ANKRD26: variants seen among roughly 807,000 people sequenced by gnomAD.
ANKRD26 encodes ankyrin repeat domain-containing protein 26.
ANKRD26 carries 141 observed loss-of-function variants against 208.7 expected under a neutral mutation model. That is an observed-to-expected ratio of 0.68 (90% CI 0.59 to 0.78). The LOEUF (loss-of-function observed/expected upper bound fraction) is 0.78, where lower values mean the gene tolerates loss of function less well. ANKRD26 is among the 30% of genes least tolerant of loss of function. ANKRD26 has a pLI of 0.00. For synonymous variants in ANKRD26, 636 were observed against 660.4 expected (o/e 0.96, Z 0.57); for missense variants, 1,889 against 1,938.7 (o/e 0.97, Z 0.48).
downstream of ANKRD26, among the ~76,000 whole-genome samples, chr10:26,999,284 T>C (rs2052666670): frequency 6.6e-6 from 1 of 152,218 alleles, no homozygotes; most frequent in South Asian, 2.1e-4. Context: ...CAATTCGCCA[T>C]AAGCATTTTG....
the ANKRD26 span, among the ~76,000 whole-genome samples, chr10:26,955,200 G>C: frequency 1.3e-5 from 2 of 151,874 alleles, no homozygotes; most frequent in Admixed American, 1.3e-4. Flanking sequence ...AGGCCGAGGT[G>C]AGCAGATCAC....
chr10:27,050,005 G>A (rs1189749589), intron 16 of ANKRD26, among the ~76,000 whole-genome samples: 1 of 151,878 alleles, frequency 6.6e-6, no homozygotes, highest in Non-Finnish European at 1.5e-5. Context: ...CGTGGATCAT[G>A]AGGTCAGGAG....
At position 27,069,248 on chromosome 10, in the gene ANKRD26, G is replaced by A. The variant is rs1307352133; in HGVS notation, c.1078-1962C>T. 2.1e-5 allele frequency among the ~76,000 whole-genome samples: 3 copies of A among 142,548 alleles called. No homozygotes were observed. The East Asian group carries it at 6.2e-4, about 30-fold the overall frequency. The allele number at this position is 142,548 out of a possible 152,430, so 93.5% of individuals were successfully genotyped here. ...GGATATGAGAAATGATAAGCAGGTA[G>A]AAAATAAAGAACTTGGTGAGTGACT... is the stretch of plus-strand genomic sequence containing the variant. On this transcript the variant is annotated intron_variant, in intron 9 of 33. Transcript: ENST00000376087.
intron 25 of ANKRD26, chr10:27,030,695 T>A: frequency 8.3e-6 from 5 of 601,492 alleles, no homozygotes; most frequent in Non-Finnish European, 1.0e-5. Flanking sequence ...TTAAGTGGTT[T>A]CTACTTATAT....
the ANKRD26 span, among the ~76,000 whole-genome samples, chr10:26,957,612 G>C: frequency 2.0e-5 from 3 of 152,120 alleles, no homozygotes; most frequent in South Asian, 6.2e-4. Flanking sequence ...ATTAAAAAAA[G>C]AAACGGAACA....
chr10:27,007,473 G>A (rs1423211006), intron 32 of ANKRD26, among the ~76,000 whole-genome samples: 1 of 152,140 alleles, frequency 6.6e-6, no homozygotes, highest in Non-Finnish European at 1.5e-5. Flanking sequence ...GGGCAACATA[G>A]TGAAATCCCG....
At chr10:26,953,127 T>A in the ANKRD26 span, among the ~76,000 whole-genome samples, 575 of 152,232 alleles carry the variant, frequency 3.8e-3, 3 homozygotes, top group African/African-American at 0.012. Flanking sequence ...CCAAAGAGAT[T>A]GTAAATATAA....
At chr10:27,011,631 C>T (rs143770300) in intron 32 of ANKRD26, among the ~76,000 whole-genome samples, 72 of 152,224 alleles carry the variant, frequency 4.7e-4, no homozygotes, top group Middle Eastern at 3.4e-3. Context: ...GGTTCCTCTT[C>T]AATGGGTTTT....
At chr10:27,023,310 C>G (rs529718736) in intron 28 of ANKRD26, among the ~76,000 whole-genome samples, 42 of 151,670 alleles carry the variant, frequency 2.8e-4, no homozygotes, top group African/African-American at 9.9e-4. Context: ...CCACCACACT[C>G]CAGCTTGGGC....
chr10:26,962,103 T>C, the ANKRD26 span, among the ~76,000 whole-genome samples: 2 of 152,066 alleles, frequency 1.3e-5, no homozygotes, highest in Admixed American at 1.3e-4. Flanking sequence ...ACAGAGGGGA[T>C]GGCCCAGTCA....
At position 27,005,687 on chromosome 10, in the gene ANKRD26, G is replaced by C; in HGVS notation, c.5036C>G (p.Pro1679Arg). 1 of 1,611,826 alleles carries C rather than the reference G, an allele frequency of 6.2e-7. No homozygotes were observed. Among genetic ancestry groups the C allele is most frequent in the South Asian group, 1.1e-5 (1 of 90,614 alleles). The change falls in exon 34 of 34, where the codon CCT becomes CGT. Residue 1679 changes from proline (P) to arginine (R), a missense_variant. Physicochemically the swap from Pro to Arg is moderately radical, Grantham distance 103. Around this residue, in one of 3 missense-constraint regions of ANKRD26, gnomAD observed 613 missense variants for 648.2 expected, o/e 0.95. Coordinates refer to ENST00000376087, the MANE Select transcript of ANKRD26 (RefSeq NM_014915.3). ...ATTTGACTCATCAGTAGACCCTAGA[G>C]GGGAAGCTATTGATCCAGATTCCAA... ...AELESGSIAS[P>R]LGSTDESNLN...
chr10:27,100,116 T>C lies in ANKRD26; in HGVS notation c.211A>G (p.Asn71Asp). The C allele has an allele frequency of 6.2e-7, 1 of 1,614,108 alleles. No individual in the cohort carries two copies. Among genetic ancestry groups the C allele is most frequent in the Non-Finnish European group, 8.5e-7 (1 of 1,179,962 alleles). The change falls in exon 1 of 34, where the codon AAT becomes GAT. Residue 71 changes from asparagine to aspartate, a missense_variant. Asn to Asp is a conservative substitution (Grantham distance 23, BLOSUM62 1). Transcript: ENST00000376087. ...KVQQILLLRK[N>D]GLNDRDKMNR... ...ATCTTGTCTCTATCGTTCAAGCCAT[T>C]CTTCCTGAGCAAAAGGATCTGCTGC...
At chr10:27,068,992 G>T (rs111906078) in intron 9 of ANKRD26, among the ~76,000 whole-genome samples, 1,752 of 152,002 alleles carry the variant, frequency 0.012, 38 homozygotes, top group African/African-American at 0.04. Context: ...TCAGGAGTTC[G>T]AGACCAGCCT....
the ANKRD26 span, among the ~76,000 whole-genome samples, chr10:26,964,547 A>C: frequency 6.6e-6 from 1 of 152,212 alleles, no homozygotes; most frequent in Non-Finnish European, 1.5e-5. Flanking sequence ...TAGCAAACCC[A>C]GTGAGAAGAA....
At chr10:27,000,269 A>G (rs990072427), downstream of ANKRD26, among the ~76,000 whole-genome samples, 1 of 152,212 alleles carries the variant, frequency 6.6e-6, no homozygotes, top group Non-Finnish European at 1.5e-5. Flanking sequence ...TTATGCAGCA[A>G]TAGGAAACCT....
At chr10:27,036,522 C>T (rs978798748) in intron 23 of ANKRD26, among the ~76,000 whole-genome samples, 1 of 151,996 alleles carries the variant, frequency 6.6e-6, no homozygotes, top group African/African-American at 2.4e-5. Flanking sequence ...TGGAAAATCA[C>T]GAGATTATTT....
intron 29 of ANKRD26, among the ~76,000 whole-genome samples, chr10:27,020,545 CGAGT>C (rs1285584539): frequency 6.6e-6 from 1 of 152,128 alleles, no homozygotes; most frequent in Admixed American, 6.5e-5. Context: ...CACTTGCATA[CGAGT>C]GAGAACCTTA....
intron 29 of ANKRD26, among the ~76,000 whole-genome samples, chr10:27,019,516 C>T (rs1313410605): frequency 2.0e-5 from 3 of 152,106 alleles, no homozygotes; most frequent in Admixed American, 2.0e-4. Context: ...TCTAGTCCCC[C>T]TCTATCTAGA....
exon 6 of ANKRD26, among the ~76,000 whole-genome samples, chr10:26,974,314 T>C (rs1362286038): frequency 6.6e-6 from 1 of 151,240 alleles, no homozygotes; most frequent in Non-Finnish European, 1.5e-5. Context: ...TCATCATTCC[T>C]TTGCACATTC....
Sources: allele counts gnomAD v4.1 joint callset (sites outside exome capture counted in the v4.1 genomes callset), GRCh38; gene constraint gnomAD v4.1.1; regional missense constraint gnomAD v4.1.1; transcripts MANE v1.5; gene names NCBI Gene and HGNC (gene_info 2026-07-23, HGNC 2026-07-21).